Variants in KIAA1328 observed in about 807,000 individuals in gnomAD.
KIAA1328 encodes protein hinderin.
A neutral mutation model predicts 68.1 loss-of-function variants in KIAA1328; 52 were observed. The observed-to-expected ratio is 0.76, with a 90% confidence interval of 0.61 to 0.96. The LOEUF (loss-of-function observed/expected upper bound fraction) is 0.96. KIAA1328 is among the 40% of genes least tolerant of loss of function. KIAA1328 has a pLI of 0.00. For missense variants in KIAA1328, 641 were observed against 677.6 expected, an observed-to-expected ratio of 0.95 and a Z score of 0.60; for synonymous variants, 232 against 239.4, an observed-to-expected ratio of 0.97 and a Z score of 0.28.
chr18:36,895,288 A>G (rs948325696), intron 5 of KIAA1328, among the ~76,000 whole-genome samples: 2 of 152,168 alleles, frequency 1.3e-5, no homozygotes, highest in Admixed American at 6.6e-5. Flanking sequence ...AAGTCATTGA[A>G]TGCAGGAGCA....
intron 7 of KIAA1328, among the ~76,000 whole-genome samples, chr18:37,070,500 A>T (rs2056486661): frequency 6.6e-6 from 1 of 151,590 alleles, no homozygotes; most frequent in Non-Finnish European, 1.5e-5. Context: ...TTTGCTGCTT[A>T]TGCATTAAGT....
chr18:37,008,060 T>C (rs1489174670), intron 6 of KIAA1328, among the ~76,000 whole-genome samples: 1 of 152,226 alleles, frequency 6.6e-6, no homozygotes, highest in Non-Finnish European at 1.5e-5. Context: ...GAGCTTAGCA[T>C]TCCAAAGAGT....
chr18:37,035,187 T>A (rs1339181776), intron 6 of KIAA1328, among the ~76,000 whole-genome samples: 1 of 152,142 alleles, frequency 6.6e-6, no homozygotes, highest in East Asian at 1.9e-4. Flanking sequence ...ACATCTGAAG[T>A]GAATGCTTAC....
chr18:37,152,756 A>G (rs1026259807), intron 7 of KIAA1328, among the ~76,000 whole-genome samples: 7 of 152,230 alleles, frequency 4.6e-5, no homozygotes, highest in African/African-American at 1.7e-4. Flanking sequence ...AGGGCTAAAA[A>G]GAAATTATTT....
intron 7 of KIAA1328, among the ~76,000 whole-genome samples, chr18:37,076,078 T>G (rs1346646087): frequency 6.6e-6 from 1 of 152,194 alleles, no homozygotes; most frequent in Non-Finnish European, 1.5e-5. Flanking sequence ...ACCACATAGT[T>G]GGAAGTAAAG....
At position 37,172,960 on chromosome 18, in the gene KIAA1328, AT is replaced by A; in HGVS notation, c.1415-8del. Reference sequence around the variant, plus strand: ...ACTGAATGCCCAAATTATTTTCTTTATTTTTCATATAGGGACAGTGACAGGA... The same window carrying A: ...ACTGAATGCCCAAATTATTTTCTTTATTTTCATATAGGGACAGTGACAGGA... On this transcript the variant is annotated splice_polypyrimidine_tract_variant and intron_variant, in intron 8 of 9. Coordinates refer to ENST00000280020, the MANE Select transcript of KIAA1328 (RefSeq NM_020776.3). 1 of 1,579,940 alleles carries A rather than the reference AT, an allele frequency of 6.3e-7. No homozygotes were observed. The highest frequency in any genetic ancestry group is 8.6e-7 in the Non-Finnish European group (1 of 1,160,820).
At chr18:37,049,553 A>AC (rs1343367009) in intron 6 of KIAA1328, among the ~76,000 whole-genome samples, 2 of 152,140 alleles carry the variant, frequency 1.3e-5, no homozygotes, top group Admixed American at 1.3e-4. Context: ...CAATCTTGAG[A>AC]CCCCCAAGGA....
At chr18:37,018,332 A>G (rs2054224176) in intron 6 of KIAA1328, among the ~76,000 whole-genome samples, 1 of 152,140 alleles carries the variant, frequency 6.6e-6, no homozygotes, top group Admixed American at 6.5e-5. Context: ...AAAGAAGCCC[A>G]CTGTTAGCCT....
intron 6 of KIAA1328, among the ~76,000 whole-genome samples, chr18:36,968,092 C>G (rs2052018074): frequency 6.6e-6 from 1 of 152,114 alleles, no homozygotes; most frequent in Non-Finnish European, 1.5e-5. Flanking sequence ...CCTGGTACCA[C>G]CAGACCTGCT....
chr18:37,078,251 G>A (rs1328651382), intron 7 of KIAA1328, among the ~76,000 whole-genome samples: 8 of 152,106 alleles, frequency 5.3e-5, no homozygotes, highest in African/African-American at 1.7e-4. Flanking sequence ...TTTAATAAAT[G>A]GTGCTGGGAA....
At chr18:37,216,994 G>T (rs60427035) in intron 9 of KIAA1328, among the ~76,000 whole-genome samples, 803 of 28,138 alleles carry the variant, frequency 0.029, 6 homozygotes, top group African/African-American at 0.094. Context: ...TTTTTTGTTT[G>T]TTTTTTTTTT....
intron 6 of KIAA1328, among the ~76,000 whole-genome samples, chr18:37,009,723 C>T (rs982377734): frequency 3.3e-5 from 5 of 152,028 alleles, no homozygotes; most frequent in Admixed American, 3.3e-4. Flanking sequence ...GATTGAGCAA[C>T]GATTTTATGG....
chr18:37,092,278 G>C (rs1164192883), intron 7 of KIAA1328, among the ~76,000 whole-genome samples: 1 of 152,018 alleles, frequency 6.6e-6, no homozygotes, highest in East Asian at 1.9e-4. Context: ...TGCCACTGGT[G>C]CCTGCACTCA....
chr18:36,872,077 A>T (rs1202409361), intron 4 of KIAA1328, among the ~76,000 whole-genome samples: 1 of 152,158 alleles, frequency 6.6e-6, no homozygotes, highest in East Asian at 1.9e-4. Context: ...TCCCTGTGTA[A>T]CAAAAAACAT....
At chr18:36,859,292 T>G (rs2047480401) in intron 4 of KIAA1328, among the ~76,000 whole-genome samples, 1 of 152,088 alleles carries the variant, frequency 6.6e-6, no homozygotes, top group South Asian at 2.1e-4. Context: ...CTGAAGAGTT[T>G]TGATGGCCTT....
At chr18:36,845,086 A>T (rs1009800510) in intron 4 of KIAA1328, among the ~76,000 whole-genome samples, 1 of 151,778 alleles carries the variant, frequency 6.6e-6, no homozygotes, top group African/African-American at 2.4e-5. Flanking sequence ...GACTGAAGTT[A>T]AAAAATTACC....
chr18:36,946,605 C>T (rs1047253862), intron 5 of KIAA1328: 9 of 152,082 alleles, frequency 5.9e-5, no homozygotes, highest in African/African-American at 2.2e-4. Flanking sequence ...GCTAGGTTAT[C>T]CTTGGATAAG....
intron 5 of KIAA1328, among the ~76,000 whole-genome samples, chr18:36,892,386 G>A (rs1426934866): frequency 2.0e-5 from 3 of 152,056 alleles, no homozygotes; most frequent in Non-Finnish European, 4.4e-5. Context: ...GAAGAGAAGG[G>A]ATATGGAAGA....
intron 7 of KIAA1328, among the ~76,000 whole-genome samples, chr18:37,088,323 A>T (rs575633171): frequency 6.6e-6 from 1 of 152,326 alleles, no homozygotes; most frequent in Non-Finnish European, 1.5e-5. Context: ...GAATAGAGAT[A>T]CGTATTCAAT....
Sources: allele counts gnomAD v4.1 joint callset (sites outside exome capture counted in the v4.1 genomes callset), GRCh38; gene constraint gnomAD v4.1.1; transcripts MANE v1.5; gene names NCBI Gene and HGNC (gene_info 2026-07-23, HGNC 2026-07-21).